Variants in BDH1 observed in about 807,000 individuals in gnomAD.
BDH1 encodes 3-hydroxybutyrate dehydrogenase 1, also known as D-beta-hydroxybutyrate dehydrogenase, mitochondrial.
BDH1 carries 30 observed loss-of-function variants against 33.1 expected under a neutral mutation model. The ratio of observed to expected loss-of-function variants is 0.91; its 90% CI spans 0.68 to 1.23. The LOEUF is 1.23. Ranked by LOEUF, BDH1 falls within the 50% of genes most tolerant of loss-of-function variation. The pLI is 0.00. For missense variants in BDH1, 443 were observed against 464.4 expected, an observed-to-expected ratio of 0.95 and a Z score of 0.42; for synonymous variants, 190 against 183.6, an observed-to-expected ratio of 1.03 and a Z score of -0.28.
In BDH1 at chr3:197,509,944, G is replaced by C. The variant is rs557644458; in HGVS notation, c.*1951C>G. On this transcript the variant is annotated 3_prime_UTR_variant, in exon 8 of 8. Coordinates refer to ENST00000392379, the MANE Select transcript of BDH1 (RefSeq NM_203314.3). ...ACCAAGCGTCCCCCTCTGGGCTCTG[G>C]AGGGTTTCGGCCCTGCCTGCCTCCC... 6.8e-6 allele frequency: 1 copy of C among 147,302 alleles called. No homozygotes were observed. Among genetic ancestry groups the C allele is most frequent in the African/African-American group, 2.5e-5 (1 of 40,566 alleles). The allele number at this position is 147,302 out of a possible 1,614,324, so 9.1% of individuals were successfully genotyped here.
rs746678728 is a variant in BDH1 at position 197,533,503 on chromosome 3, T to C, written c.142A>G (p.Ser48Gly). Residue 48 changes from serine to glycine, a missense_variant, in exon 4 of 8, where the codon AGT (serine) becomes GGT (glycine). Transcript: ENST00000392379. ...FIPIGRRTYA[S>G]AAEPVGSKAV... ...CTTCCACTCACCGGCTCCGCCGCACTGGCATAAGTCCGACGGCCAATCGGG... is the reference window on the plus strand; with the variant it reads ...CTTCCACTCACCGGCTCCGCCGCACCGGCATAAGTCCGACGGCCAATCGGG... 1.2e-6 allele frequency: 2 copies of C among 1,614,240 alleles called. No individual in the cohort carries two copies. Among genetic ancestry groups the C allele is most frequent in the South Asian group, 2.2e-5 (2 of 91,086 alleles).
chr3:197,552,292 C>A (rs1350633520), intron 2 of BDH1, among the ~76,000 whole-genome samples: 1 of 152,198 alleles, frequency 6.6e-6, no homozygotes, highest in African/African-American at 2.4e-5. Context: ...AAGCCTTCAT[C>A]CCTTCTTGCC....
rs1409550651 is a variant in BDH1 at position 197,521,485 on chromosome 3, T to C, written c.409+1155A>G. 6.6e-6 allele frequency among the ~76,000 whole-genome samples: 1 copy of C among 152,122 alleles called. No individual in the cohort carries two copies. Among genetic ancestry groups the C allele is most frequent in the Non-Finnish European group, 1.5e-5 (1 of 67,994 alleles). ...AGCCTCTGGGGAACTGTATCCAACC[T>C]CTCTGACAGCTGCCTCTCCCCCTCC... On this transcript the variant is annotated intron_variant, in intron 6 of 7. Coordinates refer to ENST00000392379, the MANE Select transcript of BDH1 (RefSeq NM_203314.3). The surrounding 1 kb of genome is among the most constrained non-coding windows in gnomAD (Gnocchi z 4.9).
chr3:197,566,864 T>G (rs528420016), intron 1 of BDH1, among the ~76,000 whole-genome samples: 2 of 152,212 alleles, frequency 1.3e-5, no homozygotes, highest in African/African-American at 2.4e-5. Flanking sequence ...TTTTCCTAAT[T>G]TGGAGTCACT....
At position 197,512,316 on chromosome 3, in the gene BDH1, GC is replaced by G; in HGVS notation, c.610del (p.Ala204ProfsTer12). 1 of 1,611,156 alleles carries G rather than the reference GC, an allele frequency of 6.2e-7. No individual in the cohort carries two copies. Among genetic ancestry groups the G allele is most frequent in the Non-Finnish European group, 8.5e-7 (1 of 1,179,948 alleles). ...SSMLGRMANP[A>X]RSPYCITKFG... is the part of the protein sequence containing the mutation. ...CTTGGTGATGCAGTACGGGGAGCGG[GC>G]CGGGTTGGCCATGCGGCCCAGCATG... On this transcript the variant is annotated frameshift_variant, in exon 8 of 8. Coordinates refer to ENST00000392379, the MANE Select transcript of BDH1 (RefSeq NM_203314.3). LOFTEE classifies it high-confidence loss of function.
chr3:197,527,182 C>A (rs182629391), intron 5 of BDH1, among the ~76,000 whole-genome samples: 2 of 152,288 alleles, frequency 1.3e-5, no homozygotes, highest in Non-Finnish European at 1.5e-5. Flanking sequence ...CAGAGAGGAG[C>A]GAGCCTGGGC....
Position 197,512,059 on chromosome 3 carries a change from T to G in BDH1, c.868A>C (p.Ser290Arg), listed in dbSNP as rs1414784384. Residue 290 changes from serine (S) to arginine (R), a missense_variant, in exon 8 of 8, where the codon AGT becomes CGT. Physicochemically the swap from Ser to Arg is moderately radical, Grantham distance 110. Transcript: ENST00000392379. ...ACAGGGGACGTGTCTGTGGAGCCACTGCTGCAGTAGGTCTCCATCTTGGCG... is the reference window on the plus strand; with the variant it reads ...ACAGGGGACGTGTCTGTGGAGCCACGGCTGCAGTAGGTCTCCATCTTGGCG... ...KIAKMETYCS[S>R]GSTDTSPVID... 6.2e-7 allele frequency: 1 copy of G among 1,614,220 alleles called. No homozygotes were observed. Among genetic ancestry groups the G allele is most frequent in the Non-Finnish European group, 8.5e-7 (1 of 1,180,038 alleles).
At position 197,516,242 on chromosome 3, in the gene BDH1, C is replaced by T. The variant is rs115737954; in HGVS notation, c.410-1826G>A. Among the ~76,000 whole-genome samples the T allele has an allele frequency of 1.3e-3, 201 of 152,302 alleles. No homozygotes were observed. Among genetic ancestry groups the T allele is most frequent in the African/African-American group, 4.6e-3 (190 of 41,558 alleles). On this transcript the variant is annotated intron_variant, in intron 6 of 7. Coordinates refer to ENST00000392379, the MANE Select transcript of BDH1 (RefSeq NM_203314.3). The surrounding 1 kb of genome is among the most constrained non-coding windows in gnomAD (Gnocchi z 4.2). ...AGTACACTTAACTCTTAGGTGTCCT[C>T]ATCTTCTTCATGTTTGTGAATTTTG...
At chr3:197,512,516 G>T (rs113465932) in intron 7 of BDH1, 152 bp from the exon 8 acceptor site, 6 of 806,078 alleles carry the variant, frequency 7.4e-6, no homozygotes, top group African/African-American at 5.2e-5. Flanking sequence ...TCAGGCCCAC[G>T]CATCAGCATC....
intron 2 of BDH1, among the ~76,000 whole-genome samples, chr3:197,553,906 G>C (rs577085728): frequency 7.9e-5 from 12 of 152,326 alleles, no homozygotes; most frequent in Admixed American, 7.8e-4. Context: ...TTTGGTCTAG[G>C]TGTAACAAAT....
chr3:197,523,189 A>C lies in BDH1; in HGVS notation c.268-408T>G, dbSNP rs909390071. The C allele has an allele frequency of 5.5e-6, 1 of 180,806 alleles. No homozygotes were observed. Among genetic ancestry groups the C allele is most frequent in the African/African-American group, 2.3e-5 (1 of 42,576 alleles). 11.2% of individuals were successfully genotyped at this position (180,806 alleles called of 1,614,324 possible). On this transcript the variant is annotated intron_variant, in intron 5 of 7. Transcript: ENST00000392379. This position sits in a 1 kb window ranked among gnomAD's most constrained non-coding sequence, Gnocchi z 4.5. ...AAGCTAGTAATTGGGAAATCTCTTC[A>C]TTCTTTTAAGTGTTGGCAACTTACA...
chr3:197,512,111 G>C lies in BDH1; in HGVS notation c.816C>G (p.Tyr272Ter), dbSNP rs913842521. ...EELPEVVRKD[Y>*]GKKYFDEKIA... ...TCTTTTCATCAAAGTACTTCTTGCCGTAGTCCTTGCGCACGACCTCAGGCA... is the reference window on the plus strand; with the variant it reads ...TCTTTTCATCAAAGTACTTCTTGCCCTAGTCCTTGCGCACGACCTCAGGCA... The change falls in exon 8 of 8, where the codon TAC becomes TAG. Residue 272 changes from tyrosine (Y) to a stop codon, truncating the protein, a stop_gained. Coordinates refer to ENST00000392379, the MANE Select transcript of BDH1 (RefSeq NM_203314.3). LOFTEE classifies it high-confidence loss of function. The C allele has an allele frequency of 6.2e-7, 1 of 1,614,178 alleles. No individual in the cohort carries two copies. Among genetic ancestry groups the C allele is most frequent in the Non-Finnish European group, 8.5e-7 (1 of 1,180,038 alleles).
At chr3:197,531,417 A>AT (rs1283370247) in intron 5 of BDH1, among the ~76,000 whole-genome samples, 605 of 142,730 alleles carry the variant, frequency 4.2e-3, no homozygotes, top group South Asian at 7.2e-3. Context: ...ATTAAAAAAA[A>AT]AATATATATA....
chr3:197,541,173 T>C (rs1715591958), intron 3 of BDH1, among the ~76,000 whole-genome samples: 2 of 152,174 alleles, frequency 1.3e-5, no homozygotes, highest in Admixed American at 6.5e-5. Context: ...TCTCAAAAGT[T>C]AGTTAACAAG....
At chr3:197,559,609 A>C (rs1207653962), upstream of BDH1, among the ~76,000 whole-genome samples, 2 of 152,272 alleles carry the variant, frequency 1.3e-5, no homozygotes, top group African/African-American at 4.8e-5. Context: ...TGGTTAACCC[A>C]AAAGAGACAT....
At position 197,510,674 on chromosome 3, in the gene BDH1, A is replaced by AGTGTGTG. The variant is rs1560296787; in HGVS notation, c.*1220_*1221insCACACAC. 6 of 37,290 alleles carry AGTGTGTG rather than the reference A, an allele frequency of 1.6e-4. No homozygotes were observed. Among genetic ancestry groups the AGTGTGTG allele is most frequent in the South Asian group, 9.1e-4 (1 of 1,098 alleles). 2.3% of individuals were successfully genotyped at this position (37,290 alleles called of 1,614,324 possible). A position where few individuals can be genotyped will look rare whatever the true frequency, so the allele number is the denominator to read the frequency against. On this transcript the variant is annotated 3_prime_UTR_variant, in exon 8 of 8. Transcript: ENST00000392379. ...TGTGTGTGTGTGTGTGTGTGTGTAC[A>AGTGTGTG]TGTGTGTAAGGTGTGTGTGTGTGTG...
chr3:197,535,733 C>G (rs1412161054), intron 3 of BDH1, among the ~76,000 whole-genome samples: 2 of 152,144 alleles, frequency 1.3e-5, no homozygotes, highest in Admixed American at 6.6e-5. Flanking sequence ...AGATTTTCTT[C>G]TATGTTCTTT....
intron 3 of BDH1, among the ~76,000 whole-genome samples, chr3:197,540,617 C>G (rs1173048264): frequency 1.3e-5 from 2 of 152,060 alleles, no homozygotes; most frequent in African/African-American, 4.8e-5. Context: ...TGCAGTGAGC[C>G]AAGATTGTGC....
At chr3:197,538,272 G>C (rs924603989) in intron 3 of BDH1, 2 of 456,678 alleles carry the variant, frequency 4.4e-6, no homozygotes, top group African/African-American at 2.0e-5. Context: ...TGAGCAGGTG[G>C]TAACAGGGGA....
Sources: gnomAD v4.1 joint callset for allele counts (sites outside exome capture counted in the v4.1 genomes callset) on GRCh38, gnomAD v4.1.1 for gene constraint, Gnocchi (gnomAD v3.1) non-coding constraint, MANE v1.5 for transcripts, NCBI Gene and HGNC (gene_info 2026-07-23, HGNC 2026-07-21) for gene names.